ZBTB16: variants seen among roughly 807,000 people sequenced by gnomAD.
The protein encoded by ZBTB16 is zinc finger and BTB domain containing 16, also known as zinc finger and BTB domain-containing protein 16.
In ZBTB16, 8 loss-of-function variants were observed where a neutral mutation model predicts 56.8. That is an observed-to-expected ratio of 0.14 (90% CI 0.08 to 0.25). The LOEUF (loss-of-function observed/expected upper bound fraction) is 0.25. Ranked by LOEUF, ZBTB16 falls within the 10% of genes least tolerant of loss-of-function variation. ZBTB16 has a pLI of 1.00. For synonymous variants in ZBTB16, 363 were observed against 368.5 expected (o/e 0.98, Z 0.17); for missense variants, 625 against 903.0 (o/e 0.69, Z 3.95).
At chr11:114,093,340 A>G (rs112083499) in intron 2 of ZBTB16, among the ~76,000 whole-genome samples, 26,212 of 150,674 alleles carry the variant, frequency 0.17, 2,569 homozygotes, top group Middle Eastern at 0.28. Context: ...GGGGGTGTGG[A>G]GGGGGGATGT....
chr11:114,178,162 A>T (rs1943163588), intron 3 of ZBTB16, among the ~76,000 whole-genome samples: 1 of 152,092 alleles, frequency 6.6e-6, no homozygotes, highest in Non-Finnish European at 1.5e-5. Context: ...AGAATATTTT[A>T]AATTGCGTGA....
At chr11:114,242,923 A>T (rs191197199) in intron 5 of ZBTB16, among the ~76,000 whole-genome samples, 1 of 152,330 alleles carries the variant, frequency 6.6e-6, no homozygotes, top group Non-Finnish European at 1.5e-5. Flanking sequence ...GCAATGAAAT[A>T]TCACTGCTCA....
At chr11:114,224,386 T>C (rs1032149105) in intron 4 of ZBTB16, among the ~76,000 whole-genome samples, 4 of 152,176 alleles carry the variant, frequency 2.6e-5, no homozygotes, top group Non-Finnish European at 5.9e-5. Flanking sequence ...TTTACTGAAA[T>C]GAAGAATACA....
At chr11:114,148,427 C>CTGTCTG (rs1222809619) in intron 2 of ZBTB16, among the ~76,000 whole-genome samples, 2 of 18,956 alleles carry the variant, frequency 1.1e-4, no homozygotes, top group Admixed American at 7.3e-4. Flanking sequence ...CTCCCTCCCT[C>CTGTCTG]TCTCTCTCTT....
intron 3 of ZBTB16, among the ~76,000 whole-genome samples, chr11:114,183,723 C>T (rs540239623): frequency 6.6e-6 from 1 of 152,346 alleles, no homozygotes; most frequent in East Asian, 1.9e-4. Flanking sequence ...TGATTTGGGA[C>T]TGGGGGCAGT....
chr11:114,078,058 C>T (rs1216338930), intron 2 of ZBTB16, among the ~76,000 whole-genome samples: 1 of 152,082 alleles, frequency 6.6e-6, no homozygotes, highest in Non-Finnish European at 1.5e-5. Context: ...GGAGCCAGGA[C>T]CCTCTTTTAG....
At chr11:114,139,929 AG>A (rs1406205596) in intron 2 of ZBTB16, among the ~76,000 whole-genome samples, 4 of 152,180 alleles carry the variant, frequency 2.6e-5, no homozygotes, top group Non-Finnish European at 5.9e-5. Flanking sequence ...GACGGCACCG[AG>A]GGCTCCTAGA....
intron 3 of ZBTB16, among the ~76,000 whole-genome samples, chr11:114,176,987 C>A (rs1016413499): frequency 1.3e-5 from 2 of 152,138 alleles, no homozygotes; most frequent in Non-Finnish European, 2.9e-5. Flanking sequence ...TTACTTATTG[C>A]GATTGGGCTT....
intron 3 of ZBTB16, among the ~76,000 whole-genome samples, chr11:114,164,281 A>G (rs1482217677): frequency 6.6e-6 from 1 of 152,170 alleles, no homozygotes; most frequent in Non-Finnish European, 1.5e-5. Context: ...CCCTCTCTCG[A>G]TGATTTTTCT....
intron 2 of ZBTB16, among the ~76,000 whole-genome samples, chr11:114,133,213 C>T (rs1291340486): frequency 1.3e-5 from 2 of 152,000 alleles, no homozygotes; most frequent in East Asian, 3.9e-4. Context: ...GTGGACGGGT[C>T]CATTTACAAA....
At chr11:114,228,951 C>G (rs1281679549) in intron 4 of ZBTB16, among the ~76,000 whole-genome samples, 1 of 152,176 alleles carries the variant, frequency 6.6e-6, no homozygotes, top group Non-Finnish European at 1.5e-5. Context: ...GCGCCCCATC[C>G]CCCATAGCCA....
chr11:114,227,001 G>A (rs140021264), intron 4 of ZBTB16, among the ~76,000 whole-genome samples: 1 of 152,158 alleles, frequency 6.6e-6, no homozygotes, highest in Non-Finnish European at 1.5e-5. Context: ...TCTCCCTCAG[G>A]CCTACGGACT....
intron 2 of ZBTB16, among the ~76,000 whole-genome samples, chr11:114,106,790 A>T (rs1940806426): frequency 6.6e-6 from 1 of 151,996 alleles, no homozygotes; most frequent in Admixed American, 6.6e-5. Flanking sequence ...CTCTTTTCTG[A>T]TGGAAAAGAA....
At chr11:114,157,677 G>A (rs1439572078) in intron 3 of ZBTB16, among the ~76,000 whole-genome samples, 1 of 152,172 alleles carries the variant, frequency 6.6e-6, no homozygotes, top group African/African-American at 2.4e-5. Flanking sequence ...TTGCTGCAGG[G>A]CCCATGTGGT....
chr11:114,193,463 AGG>A (rs1591768893), intron 4 of ZBTB16, among the ~76,000 whole-genome samples: 1 of 152,272 alleles, frequency 6.6e-6, no homozygotes, highest in East Asian at 1.9e-4. Flanking sequence ...CCCTCAGGAT[AGG>A]GCTGGCAAAG....
At chr11:114,227,911 GGCAT>G (rs1387303234) in intron 4 of ZBTB16, among the ~76,000 whole-genome samples, 1 of 152,136 alleles carries the variant, frequency 6.6e-6, no homozygotes, top group Non-Finnish European at 1.5e-5. Flanking sequence ...ACAATTCAGT[GGCAT>G]TAAATACATT....
Position 114,187,075 on chromosome 11 carries a change from A to G in ZBTB16, c.1453+37A>G, listed in dbSNP as rs749709384. On this transcript the variant is annotated intron_variant, in intron 4 of 6. Coordinates refer to ENST00000335953, the MANE Select transcript of ZBTB16 (RefSeq NM_006006.6). ...TGGATTCCTGTTCTCCAGGTTTTCC[A>G]CAGTGTTGGTAGCACATGGACATGA... 4 of 1,601,614 alleles carry G rather than the reference A, an allele frequency of 2.5e-6. No homozygotes were observed. In the Admixed American group the frequency reaches 6.7e-5, roughly 27 times the overall value.
intron 2 of ZBTB16, among the ~76,000 whole-genome samples, chr11:114,097,838 T>G (rs576493035): frequency 1.3e-5 from 2 of 152,342 alleles, no homozygotes; most frequent in South Asian, 4.1e-4. Flanking sequence ...CGCTCTGATT[T>G]TTTTTTCTTT....
intron 3 of ZBTB16, among the ~76,000 whole-genome samples, chr11:114,167,225 T>TG (rs1565663058): frequency 5.2e-4 from 39 of 75,024 alleles, no homozygotes; most frequent in African/African-American, 9.0e-4. Context: ...GGTTTTTTTT[T>TG]TTTTTGGTTT....
Sources: gnomAD v4.1 joint callset for allele counts (sites outside exome capture counted in the v4.1 genomes callset) on GRCh38, gnomAD v4.1.1 for gene constraint, MANE v1.5 for transcripts, NCBI Gene and HGNC (gene_info 2026-07-23, HGNC 2026-07-21) for gene names.